The following CSMD1 variants were observed in gnomAD, a reference collection of about 807,000 sequenced individuals.
CSMD1 encodes CUB and Sushi multiple domains 1.
Under a neutral mutation model 417.5 loss-of-function variants are expected in CSMD1, and 213 were observed. The observed-to-expected ratio is 0.51, with a 90% CI of 0.46 to 0.57. The LOEUF (loss-of-function observed/expected upper bound fraction) is 0.57, where lower values mean the gene tolerates loss of function less well. CSMD1 is among the 20% of genes least tolerant of loss of function. The pLI is 0.00. For synonymous variants in CSMD1, 2,862 were observed against 1,736.8 expected, an observed-to-expected ratio of 1.65 and a Z score of -16.11; for missense variants, 6,923 against 4,529.7, an observed-to-expected ratio of 1.53 and a Z score of -15.17.
chr8:3,133,199 G>C (rs559935003), intron 41 of CSMD1, among the ~76,000 whole-genome samples: 1 of 151,940 alleles, frequency 6.6e-6, no homozygotes, highest in Non-Finnish European at 1.5e-5. Flanking sequence ...GGCTGCTGCT[G>C]TCCTCCTGGG....
intron 2 of CSMD1, among the ~76,000 whole-genome samples, chr8:4,490,676 A>C (rs1801654295): frequency 6.6e-6 from 1 of 152,146 alleles, no homozygotes; most frequent in Non-Finnish European, 1.5e-5. Flanking sequence ...TAATATACAG[A>C]AGAGACAAAT....
chr8:4,027,457 T>C (rs2554574), intron 4 of CSMD1, among the ~76,000 whole-genome samples: 72,759 of 151,854 alleles, frequency 0.48, 18,535 homozygotes, highest in East Asian at 0.74. Context: ...ATGCTGTTCT[T>C]GTGACAGTGG....
chr8:3,741,213 TAAAAAAAAAA>T (rs58662516), intron 6 of CSMD1, among the ~76,000 whole-genome samples: 1 of 67,276 alleles, frequency 1.5e-5, no homozygotes, highest in Non-Finnish European at 2.7e-5. Context: ...GACTCCGTCT[TAAAAAAAAAA>T]AAAAAAAAAA....
intron 1 of CSMD1, among the ~76,000 whole-genome samples, chr8:4,663,166 G>A (rs967876956): frequency 6.6e-6 from 1 of 152,150 alleles, no homozygotes; most frequent in Non-Finnish European, 1.5e-5. Context: ...AAACCCACTG[G>A]ATCAGCTGGG....
chr8:4,436,175 C>CT (rs1395977167), intron 2 of CSMD1, among the ~76,000 whole-genome samples: 1 of 152,126 alleles, frequency 6.6e-6, no homozygotes, highest in African/African-American at 2.4e-5. Context: ...ATTTCAGTGT[C>CT]TCATCTTACA....
At position 4,293,195 on chromosome 8, in the gene CSMD1, G is replaced by A. The variant is rs1451364718; in HGVS notation, c.415+126758C>T. 6.6e-5 allele frequency among the ~76,000 whole-genome samples: 10 copies of A among 152,162 alleles called. No individual in the cohort carries two copies. In the East Asian group the frequency reaches 7.7e-4, roughly 12 times the overall value. ...GGACTGAACCTCCCTGGCACAGAGA[G>A]AGGAAGAGAGCCCAATGATGCCGTC... On this transcript the variant is annotated intron_variant, in intron 3 of 69. Coordinates refer to ENST00000635120, the MANE Select transcript of CSMD1 (RefSeq NM_033225.6).
chr8:3,093,141 C>T (rs1326922036), intron 47 of CSMD1, among the ~76,000 whole-genome samples: 1 of 152,010 alleles, frequency 6.6e-6, no homozygotes, highest in East Asian at 1.9e-4. Context: ...GGAAATGTGA[C>T]TTTAAAGAGA....
chr8:3,951,783 G>C (rs1390187219), intron 5 of CSMD1, among the ~76,000 whole-genome samples: 1 of 152,054 alleles, frequency 6.6e-6, no homozygotes, highest in Non-Finnish European at 1.5e-5. Context: ...CCTGTGCTGA[G>C]AACAAATTAG....
intron 3 of CSMD1, among the ~76,000 whole-genome samples, chr8:4,257,212 T>C (rs971080971): frequency 2.6e-5 from 4 of 152,182 alleles, no homozygotes; most frequent in Admixed American, 6.5e-5. Flanking sequence ...ATGAGAGTTT[T>C]ATTGAAAGAG....
At chr8:4,724,363 A>C (rs545825451) in intron 1 of CSMD1, among the ~76,000 whole-genome samples, 10 of 152,244 alleles carry the variant, frequency 6.6e-5, no homozygotes, top group African/African-American at 2.4e-4. Flanking sequence ...AAAATATAAT[A>C]AGATTTTCTA....
intron 29 of CSMD1, among the ~76,000 whole-genome samples, chr8:3,217,536 G>C (rs776072890): frequency 8.6e-5 from 13 of 151,958 alleles, no homozygotes; most frequent in Non-Finnish European, 1.5e-4. Flanking sequence ...TGATTTTGTT[G>C]GGGGCGTGGG....
chr8:3,225,666 A>G (rs1216116597), intron 27 of CSMD1, among the ~76,000 whole-genome samples: 1 of 152,218 alleles, frequency 6.6e-6, no homozygotes, highest in Non-Finnish European at 1.5e-5. Context: ...TATGATTCAA[A>G]TATTGATTTA....
intron 7 of CSMD1, among the ~76,000 whole-genome samples, chr8:3,702,938 G>T (rs1359018964): frequency 6.6e-6 from 1 of 152,326 alleles, no homozygotes; most frequent in African/African-American, 2.4e-5. Context: ...AAGAAAATGG[G>T]GGATGGGTGC....
At chr8:4,209,456 T>C (rs1800176683) in intron 3 of CSMD1, among the ~76,000 whole-genome samples, 1 of 152,142 alleles carries the variant, frequency 6.6e-6, no homozygotes, top group Admixed American at 6.6e-5. Context: ...GTGAGGACAT[T>C]GTCACATCTG....
chr8:4,047,509 T>G (rs139117913), intron 3 of CSMD1, among the ~76,000 whole-genome samples: 2 of 145,708 alleles, frequency 1.4e-5, no homozygotes, highest in Non-Finnish European at 1.5e-5. Context: ...GAAGGCAACA[T>G]TGTGATATGT....
At chr8:4,499,039 A>C (rs1469421947) in intron 2 of CSMD1, among the ~76,000 whole-genome samples, 2 of 152,188 alleles carry the variant, frequency 1.3e-5, no homozygotes, top group Admixed American at 6.5e-5. Context: ...AATATCTAGT[A>C]CAGATCTCTT....
chr8:3,074,295 C>T (rs1008844728), intron 49 of CSMD1, among the ~76,000 whole-genome samples: 1 of 152,160 alleles, frequency 6.6e-6, no homozygotes, highest in East Asian at 1.9e-4. Context: ...TAGAAGAGCC[C>T]GTCTGGTGAG....
intron 46 of CSMD1, among the ~76,000 whole-genome samples, chr8:3,098,980 G>T (rs1815542469): frequency 6.6e-6 from 1 of 151,092 alleles, no homozygotes; most frequent in African/African-American, 2.4e-5. Context: ...TTTCATAACT[G>T]TTAGGGACCA....
At chr8:4,989,538 G>A (rs767153628) in intron 1 of CSMD1, among the ~76,000 whole-genome samples, 12 of 152,138 alleles carry the variant, frequency 7.9e-5, no homozygotes, top group Non-Finnish European at 1.3e-4. Context: ...AGACATACTT[G>A]ACCTTTACTA....
Sources: allele counts gnomAD v4.1 joint callset (sites outside exome capture counted in the v4.1 genomes callset), GRCh38; gene constraint gnomAD v4.1.1; transcripts MANE v1.5; gene names NCBI Gene and HGNC (gene_info 2026-07-23, HGNC 2026-07-21).